Variants in SMOC1 observed in about 807,000 individuals in gnomAD.
The protein encoded by SMOC1 is SPARC related modular calcium binding 1.
SMOC1 carries 22 observed loss-of-function variants against 56.3 expected under a neutral mutation model. The observed-to-expected ratio is 0.39, with a 90% CI of 0.28 to 0.56. The LOEUF (loss-of-function observed/expected upper bound fraction) is 0.56, where lower values mean the gene tolerates loss of function less well. Among genes scored for constraint, SMOC1 ranks in the 20% least tolerant of loss-of-function variants. SMOC1 has a pLI of 0.61. For synonymous variants in SMOC1, 193 were observed against 215.0 expected, an observed-to-expected ratio of 0.90 and a Z score of 0.89; for missense variants, 509 against 565.4, an observed-to-expected ratio of 0.90 and a Z score of 1.01.
intron 1 of SMOC1, among the ~76,000 whole-genome samples, chr14:69,915,924 C>T (rs898634337): frequency 6.6e-6 from 1 of 152,230 alleles, no homozygotes; most frequent in Non-Finnish European, 1.5e-5. Context: ...GCCCTAGGAA[C>T]ACTCCCTATT....
chr14:69,988,437 T>A (rs1884446837), intron 5 of SMOC1, among the ~76,000 whole-genome samples: 3 of 152,218 alleles, frequency 2.0e-5, no homozygotes, highest in Admixed American at 1.3e-4. Flanking sequence ...TACATTTTTC[T>A]TTAAAACAGT....
intron 7 of SMOC1, among the ~76,000 whole-genome samples, chr14:70,010,492 G>C (rs1369381947): frequency 6.6e-6 from 1 of 152,248 alleles, no homozygotes; most frequent in Non-Finnish European, 1.5e-5. Context: ...TGGCTGGCTT[G>C]TTGCTGCAGT....
chr14:69,999,329 C>A (rs544396610), intron 7 of SMOC1, among the ~76,000 whole-genome samples: 3 of 152,266 alleles, frequency 2.0e-5, no homozygotes, highest in South Asian at 4.1e-4. Flanking sequence ...TTCCCCACCC[C>A]CCAAGCCAGC....
At chr14:70,023,058 C>A in intron 10 of SMOC1, 145 bp from the exon 11 acceptor site, 3 of 1,250,214 alleles carry the variant, frequency 2.4e-6, no homozygotes, top group Admixed American at 1.7e-5. Flanking sequence ...CTTAACGTTG[C>A]CACAGGCTGA....
At chr14:69,970,684 C>T (rs1041687400) in intron 3 of SMOC1, among the ~76,000 whole-genome samples, 2 of 152,084 alleles carry the variant, frequency 1.3e-5, no homozygotes, top group Admixed American at 6.5e-5. Context: ...GTTCATCTGT[C>T]GGCCCCATTT....
chr14:69,913,945 G>T (rs1488841754), intron 1 of SMOC1, among the ~76,000 whole-genome samples: 2 of 152,224 alleles, frequency 1.3e-5, no homozygotes, highest in East Asian at 3.8e-4. Flanking sequence ...CCTAGAGTTA[G>T]AGTGGAAATG....
chr14:69,919,069 C>A (rs183928288), intron 1 of SMOC1, among the ~76,000 whole-genome samples: 6 of 152,242 alleles, frequency 3.9e-5, no homozygotes, highest in Admixed American at 3.9e-4. Flanking sequence ...AATGCACACA[C>A]TTGAGGTGGG....
At chr14:69,912,238 G>A (rs780183309) in intron 1 of SMOC1, among the ~76,000 whole-genome samples, 4 of 152,126 alleles carry the variant, frequency 2.6e-5, no homozygotes, top group Non-Finnish European at 5.9e-5. Flanking sequence ...AACCATAGAT[G>A]AGGCACAATT....
intron 10 of SMOC1, among the ~76,000 whole-genome samples, chr14:70,015,096 C>T (rs779790685): frequency 2.6e-5 from 4 of 152,118 alleles, no homozygotes; most frequent in African/African-American, 7.2e-5. Flanking sequence ...AAAGAACATG[C>T]GGTATTTGTA....
At chr14:69,961,773 A>G (rs1459803922) in intron 3 of SMOC1, among the ~76,000 whole-genome samples, 1 of 152,158 alleles carries the variant, frequency 6.6e-6, no homozygotes, top group Non-Finnish European at 1.5e-5. Context: ...GCATATACCT[A>G]GGAGTAGAAT....
chr14:69,988,993 C>T (rs1391101220), intron 5 of SMOC1, among the ~76,000 whole-genome samples: 2 of 152,164 alleles, frequency 1.3e-5, no homozygotes, highest in Non-Finnish European at 2.9e-5. Context: ...ATGAATAATG[C>T]TGCAGTGAAT....
At chr14:70,023,580 T>C (rs1566715154) in intron 11 of SMOC1, 133 bp downstream of exon 11, 2 of 1,313,270 alleles carry the variant, frequency 1.5e-6, no homozygotes, top group East Asian at 4.6e-5. Context: ...TGTGCTATGC[T>C]TCATGCTAGA....
chr14:69,923,880 C>CA, intron 1 of SMOC1, among the ~76,000 whole-genome samples: 2 of 152,312 alleles, frequency 1.3e-5, no homozygotes, highest in Middle Eastern at 6.8e-3. Context: ...CAATGTCCTG[C>CA]CTTGGCCTGA....
intron 1 of SMOC1, among the ~76,000 whole-genome samples, chr14:69,921,211 T>C (rs950703398): frequency 6.6e-6 from 1 of 152,132 alleles, no homozygotes; most frequent in African/African-American, 2.4e-5. Context: ...TGAGCTAGAC[T>C]CCACAGCCCC....
intron 1 of SMOC1, among the ~76,000 whole-genome samples, chr14:69,901,000 G>A (rs1049536794): frequency 2.0e-5 from 3 of 152,178 alleles, no homozygotes; most frequent in African/African-American, 7.2e-5. Context: ...ACATGAAATT[G>A]GGAATCTCAA....
chr14:70,006,715 G>A (rs990421840), intron 7 of SMOC1, among the ~76,000 whole-genome samples: 2 of 152,228 alleles, frequency 1.3e-5, no homozygotes, highest in Admixed American at 1.3e-4. Flanking sequence ...ACTCATCCAG[G>A]TAGGGGAGGA....
At chr14:70,026,097 G>A (rs981641735) in intron 11 of SMOC1, among the ~76,000 whole-genome samples, 1 of 152,246 alleles carries the variant, frequency 6.6e-6, no homozygotes, top group Non-Finnish European at 1.5e-5. Flanking sequence ...GTCCTTGTTA[G>A]ATGAATGAAT....
intron 1 of SMOC1, among the ~76,000 whole-genome samples, chr14:69,947,329 C>T (rs565015395): frequency 2.2e-4 from 33 of 152,104 alleles, no homozygotes; most frequent in Admixed American, 7.9e-4. Context: ...ATTACTATGC[C>T]TGGCTAATTT....
chr14:69,933,461 C>A (rs1212310552), intron 1 of SMOC1, among the ~76,000 whole-genome samples: 1 of 152,232 alleles, frequency 6.6e-6, no homozygotes, highest in East Asian at 1.9e-4. Flanking sequence ...CTTTATACAG[C>A]TGTGTGTTAA....
Sources: allele counts gnomAD v4.1 joint callset (sites outside exome capture counted in the v4.1 genomes callset), GRCh38; gene constraint gnomAD v4.1.1; transcripts MANE v1.5; gene names NCBI Gene and HGNC (gene_info 2026-07-23, HGNC 2026-07-21).